BBOF1: variants seen among roughly 807,000 people sequenced by gnomAD.
BBOF1 encodes basal body orientation factor 1, also known as basal body-orientation factor 1.
A neutral mutation model predicts 68.0 loss-of-function variants in BBOF1; 62 were observed. The observed-to-expected ratio is 0.91, with a 90% CI of 0.74 to 1.13. BBOF1 has a LOEUF of 1.13. Among genes scored for constraint, BBOF1 ranks in the 50% most tolerant of loss-of-function variants. The pLI is 0.00. For missense variants in BBOF1, 534 were observed against 600.1 expected (o/e 0.89, Z 1.15); for synonymous variants, 208 against 198.8 (o/e 1.05, Z -0.39).
At chr14:74,069,095 C>CA, downstream of BBOF1, 3 of 633,208 alleles carry the variant, frequency 4.7e-6, no homozygotes, top group Non-Finnish European at 7.3e-6. Flanking sequence ...TTTTCTTTTA[C>CA]TTTTTCTTTT....
chr14:74,033,963 T>C, intron 3 of BBOF1, 65 bp from the exon 4 acceptor site: 1 of 1,363,152 alleles, frequency 7.3e-7, no homozygotes, highest in Non-Finnish European at 9.9e-7. Flanking sequence ...AGGCTTCAAA[T>C]GAAACATGAC....
intron 8 of BBOF1, 102 bp downstream of exon 8, chr14:74,050,297 A>G: frequency 2.2e-6 from 3 of 1,344,210 alleles, no homozygotes; most frequent in South Asian, 1.6e-5. Flanking sequence ...CAAGTATTGA[A>G]TAGATTTCTC....
At chr14:74,070,288 G>C (rs1337699113), downstream of BBOF1, among the ~76,000 whole-genome samples, 1 of 152,074 alleles carries the variant, frequency 6.6e-6, no homozygotes. Flanking sequence ...GGAGGCCGAG[G>C]CGGGTGGATC....
intron 8 of BBOF1, among the ~76,000 whole-genome samples, chr14:74,050,805 A>C (rs79670372): frequency 1.3e-5 from 2 of 152,206 alleles, no homozygotes; most frequent in African/African-American, 4.8e-5. Flanking sequence ...TTAAAAAAAA[A>C]TCAATATAAC....
chr14:74,027,260 T>G (rs2059452533), intron 2 of BBOF1, among the ~76,000 whole-genome samples: 1 of 151,628 alleles, frequency 6.6e-6, no homozygotes, highest in South Asian at 2.1e-4. Flanking sequence ...CTAATTTTTG[T>G]GTTTGTAGTA....
chr14:74,023,348 G>A (rs928790149), intron 2 of BBOF1, among the ~76,000 whole-genome samples: 1 of 152,118 alleles, frequency 6.6e-6, no homozygotes, highest in African/African-American at 2.4e-5. Flanking sequence ...AATCCTTGTT[G>A]CATGTTTTCT....
At chr14:74,037,459 A>ATT (rs1280451837) in intron 4 of BBOF1, among the ~76,000 whole-genome samples, 8 of 126,782 alleles carry the variant, frequency 6.3e-5, no homozygotes, top group African/African-American at 1.1e-4. Flanking sequence ...CACCTGGCTA[A>ATT]TTTTTTTTTT....
chr14:74,080,216 A>G (rs1358024574), intron 10 of BBOF1, among the ~76,000 whole-genome samples: 1 of 151,928 alleles, frequency 6.6e-6, no homozygotes, highest in Non-Finnish European at 1.5e-5. Context: ...GGAAGCAAAA[A>G]ACTCCTGGCA....
At chr14:74,067,388 A>G, downstream of BBOF1, 2 of 1,613,048 alleles carry the variant, frequency 1.2e-6, no homozygotes, top group Non-Finnish European at 8.5e-7. Context: ...ACCTGCATTG[A>G]CTCTCAGGTT....
chr14:74,054,764 C>A, intron 8 of BBOF1: 1 of 161,020 alleles, frequency 6.2e-6, no homozygotes, highest in Non-Finnish European at 1.4e-5. Flanking sequence ...TGCAACCTCC[C>A]ATCTCCCAGG....
At chr14:74,044,541 C>T (rs2059905370) in intron 5 of BBOF1, among the ~76,000 whole-genome samples, 1 of 150,160 alleles carries the variant, frequency 6.7e-6, no homozygotes, top group Admixed American at 6.7e-5. Context: ...TGGCTCACTG[C>T]AGCCTCTACC....
At chr14:74,062,914 C>A (rs1393290776) in intron 11 of BBOF1, among the ~76,000 whole-genome samples, 1 of 152,104 alleles carries the variant, frequency 6.6e-6, no homozygotes, top group Non-Finnish European at 1.5e-5. Context: ...AAGAACTTCC[C>A]CTAGCCTATT....
intron 9 of BBOF1, among the ~76,000 whole-genome samples, chr14:74,056,081 G>A (rs2139681328): frequency 6.6e-6 from 1 of 151,124 alleles, no homozygotes; most frequent in African/African-American, 2.4e-5. Context: ...ACCCAGGCCA[G>A]AGTGCAGTGG....
At chr14:74,039,302 T>C (rs538933728) in intron 4 of BBOF1, among the ~76,000 whole-genome samples, 1 of 152,196 alleles carries the variant, frequency 6.6e-6, no homozygotes, top group Non-Finnish European at 1.5e-5. Flanking sequence ...GGAATTCCAT[T>C]GGGTAGATAT....
At chr14:74,034,280 A>C in intron 4 of BBOF1, 109 bp downstream of exon 4, 1 of 687,228 alleles carries the variant, frequency 1.5e-6, no homozygotes, top group Non-Finnish European at 2.2e-6. Context: ...ACTCTCTTTG[A>C]CATTTTAGAA....
At chr14:74,035,293 G>A (rs1384989601) in intron 4 of BBOF1, among the ~76,000 whole-genome samples, 1 of 151,962 alleles carries the variant, frequency 6.6e-6, no homozygotes, top group Non-Finnish European at 1.5e-5. Flanking sequence ...TATAGCAAAG[G>A]CTTCAGTCAT....
rs1268635391 is a variant in BBOF1 at position 74,064,920 on chromosome 14, C to A, written c.*221C>A. ...ACTGGAATGGGGACATTCACTCCCA[C>A]CTAAAACAGAACAAATCCGTGTCAT... On this transcript the variant is annotated 3_prime_UTR_variant, in exon 12 of 12. Transcript: ENST00000394009. 6.8e-6 allele frequency: 11 copies of A among 1,613,114 alleles called. No individual in the cohort carries two copies. Among genetic ancestry groups the A allele is most frequent in the Non-Finnish European group, 8.5e-6 (10 of 1,179,262 alleles).
At chr14:74,019,603 ACCTGGCGCCCC>A in intron 1 of BBOF1, 69 bp downstream of exon 1, 1 of 1,540,192 alleles carries the variant, frequency 6.5e-7, no homozygotes. Context: ...GGGGCTGGCA[ACCTGGCGCCCC>A]CCGCGCCGGC....
downstream of BBOF1, among the ~76,000 whole-genome samples, chr14:74,067,876 GATCACACCATTGT>G (rs2139776267): frequency 6.6e-6 from 1 of 151,758 alleles, no homozygotes; most frequent in African/African-American, 2.4e-5. Context: ...AGTGAGCCAA[GATCACACCATTGT>G]ACTCCAGACT....
Sources: gnomAD v4.1 joint callset for allele counts (sites outside exome capture counted in the v4.1 genomes callset) on GRCh38, gnomAD v4.1.1 for gene constraint, MANE v1.5 for transcripts, NCBI Gene and HGNC (gene_info 2026-07-23, HGNC 2026-07-21) for gene names.